NXPH1: variants seen among roughly 807,000 people sequenced by gnomAD.
NXPH1 encodes the protein neurexophilin 1, also known as neurexophilin-1.
NXPH1 carries 5 observed loss-of-function variants against 23.7 expected under a neutral mutation model. That is an observed-to-expected ratio of 0.21 (90% confidence interval 0.11 to 0.44). The LOEUF is 0.44. NXPH1 is among the 20% of genes least tolerant of loss of function. The pLI is 0.99. For synonymous variants in NXPH1, 144 were observed against 122.2 expected, an observed-to-expected ratio of 1.18 and a Z score of -1.18; for missense variants, 324 against 321.6, an observed-to-expected ratio of 1.01 and a Z score of -0.06.
At chr7:8,698,670 T>C (rs1779573660) in intron 2 of NXPH1, among the ~76,000 whole-genome samples, 3 of 152,178 alleles carry the variant, frequency 2.0e-5, no homozygotes, top group African/African-American at 4.8e-5. Context: ...TGATAAACTA[T>C]TGCTATATGA....
At chr7:8,461,343 A>G (rs1816690819) in intron 2 of NXPH1, among the ~76,000 whole-genome samples, 1 of 152,188 alleles carries the variant, frequency 6.6e-6, no homozygotes, top group Non-Finnish European at 1.5e-5. Context: ...TTGAAGAAAG[A>G]GTAACTTCAG....
chr7:8,741,500 T>C (rs1384373496), intron 2 of NXPH1, among the ~76,000 whole-genome samples: 1 of 152,274 alleles, frequency 6.6e-6, no homozygotes, highest in Non-Finnish European at 1.5e-5. Flanking sequence ...ATAATCTCTC[T>C]ACCAAGTTAT....
chr7:8,612,889 C>T (rs528958478), intron 2 of NXPH1, among the ~76,000 whole-genome samples: 1 of 152,144 alleles, frequency 6.6e-6, no homozygotes, highest in South Asian at 2.1e-4. Flanking sequence ...GTTTACCTTA[C>T]CTGAAGTTAG....
Position 8,640,524 on chromosome 7 carries a change from A to G in NXPH1, c.55-110484A>G, listed in dbSNP as rs1034477471. Among the ~76,000 whole-genome samples, 4 of 152,026 alleles carry G rather than the reference A, an allele frequency of 2.6e-5. No homozygotes were observed. In the East Asian group the frequency reaches 5.8e-4, roughly 22 times the overall value. The stretch of plus-strand genomic sequence containing the variant: ...CCTGTACTTCTTTACTTGTCTTTAA[A>G]TAAGTAACATAATCTTAAAATGAAT... On this transcript the variant is annotated intron_variant, in intron 2 of 2. Transcript: ENST00000405863.
chr7:8,652,986 C>T (rs1461834271), intron 2 of NXPH1, among the ~76,000 whole-genome samples: 5 of 151,986 alleles, frequency 3.3e-5, no homozygotes. Flanking sequence ...TTGATCCTCC[C>T]ACCTCCACCC....
At chr7:8,640,790 C>T (rs980185288) in intron 2 of NXPH1, among the ~76,000 whole-genome samples, 1 of 151,942 alleles carries the variant, frequency 6.6e-6, no homozygotes, top group Non-Finnish European at 1.5e-5. Flanking sequence ...GACCTCATGA[C>T]TACAAAAAGT....
At position 8,751,567 on chromosome 7, in the gene NXPH1, C is replaced by A. The variant is rs1780565592; in HGVS notation, c.614C>A (p.Thr205Asn). ...RIEYEKVDKA[T>N]KNTLCNYDPS... ...GAATATGAAAAGGTTGACAAGGCTA[C>A]CAAGAACACACTCTGCAACTATGAC... is the stretch of plus-strand genomic sequence containing the variant. The change falls in exon 3 of 3, where the codon ACC becomes AAC. Residue 205 changes from threonine (T) to asparagine (N), a missense_variant. Coordinates refer to ENST00000405863, the MANE Select transcript of NXPH1 (RefSeq NM_152745.3). This position sits in a 1 kb window ranked among gnomAD's most constrained non-coding sequence, Gnocchi z 4.5. 2 of 1,613,296 alleles carry A rather than the reference C, an allele frequency of 1.2e-6. No individual in the cohort carries two copies. Among genetic ancestry groups the A allele is most frequent in the East Asian group, 4.5e-5 (2 of 44,880 alleles).
chr7:8,658,078 C>T (rs1167740115), intron 2 of NXPH1, among the ~76,000 whole-genome samples: 1 of 152,152 alleles, frequency 6.6e-6, no homozygotes, highest in African/African-American at 2.4e-5. Context: ...GAAGGAAGGA[C>T]AAATTCAGTG....
At chr7:8,533,031 T>TTTACATG (rs1817972677) in intron 2 of NXPH1, among the ~76,000 whole-genome samples, 1 of 152,172 alleles carries the variant, frequency 6.6e-6, no homozygotes, top group African/African-American at 2.4e-5. Flanking sequence ...ATGTATTCCC[T>TTTACATG]CTTTTTAAAT....
intron 2 of NXPH1, among the ~76,000 whole-genome samples, chr7:8,680,971 A>G (rs1821040904): frequency 6.6e-6 from 1 of 152,240 alleles, no homozygotes; most frequent in South Asian, 2.1e-4. Flanking sequence ...AGACTATTGA[A>G]CTAGATGTTT....
At chr7:8,501,647 A>T (rs537569273) in intron 2 of NXPH1, among the ~76,000 whole-genome samples, 1 of 152,212 alleles carries the variant, frequency 6.6e-6, no homozygotes, top group African/African-American at 2.4e-5. Context: ...ATAAATTAAG[A>T]CTGGGAATGG....
At position 8,520,395 on chromosome 7, in the gene NXPH1, A is replaced by G. The variant is rs1462870506; in HGVS notation, c.54+84628A>G. On this transcript the variant is annotated intron_variant, in intron 2 of 2. Coordinates refer to ENST00000405863, the MANE Select transcript of NXPH1 (RefSeq NM_152745.3). The stretch of plus-strand genomic sequence containing the variant: ...ACATGGTTTTTGGACTGCTCCCTGC[A>G]GGAGGAGAAGCCAGACGGAAGGTGG... Among the ~76,000 whole-genome samples the G allele has an allele frequency of 2.0e-5, 3 of 152,230 alleles. No individual in the cohort carries two copies. The East Asian group carries it at 5.8e-4, about 29-fold the overall frequency.
intron 2 of NXPH1, among the ~76,000 whole-genome samples, chr7:8,627,924 T>A (rs1002354528): frequency 6.6e-6 from 1 of 151,964 alleles, no homozygotes; most frequent in Non-Finnish European, 1.5e-5. Flanking sequence ...TTGAGATCTG[T>A]GGATAAAAGG....
intron 2 of NXPH1, among the ~76,000 whole-genome samples, chr7:8,644,783 C>A (rs1820369407): frequency 6.6e-6 from 1 of 151,982 alleles, no homozygotes; most frequent in Admixed American, 6.6e-5. Context: ...GTATTACAGC[C>A]CAGCACATCT....
At chr7:8,483,533 T>C (rs1211083317) in intron 2 of NXPH1, among the ~76,000 whole-genome samples, 1 of 152,012 alleles carries the variant, frequency 6.6e-6, no homozygotes, top group Non-Finnish European at 1.5e-5. Context: ...GGTCTCAAAC[T>C]CCTGGGCTCA....
At chr7:8,502,536 G>T (rs1817453745) in intron 2 of NXPH1, among the ~76,000 whole-genome samples, 1 of 151,752 alleles carries the variant, frequency 6.6e-6, no homozygotes, top group African/African-American at 2.4e-5. Flanking sequence ...TTTGAGTAGG[G>T]TAAATACAAT....
At chr7:8,631,887 CTT>C (rs1820137025) in intron 2 of NXPH1, among the ~76,000 whole-genome samples, 1 of 152,050 alleles carries the variant, frequency 6.6e-6, no homozygotes, top group Admixed American at 6.6e-5. Flanking sequence ...TTCCATGTGT[CTT>C]TATTTTATTT....
chr7:8,732,892 T>A (rs909614255), intron 2 of NXPH1, among the ~76,000 whole-genome samples: 3 of 152,100 alleles, frequency 2.0e-5, no homozygotes, highest in Admixed American at 6.5e-5. Context: ...TTTAAAAAAA[T>A]TTTACTTTAA....
rs559394319 is a variant in NXPH1, at chr7:8,623,930, T to C, written c.55-127078T>C. Among the ~76,000 whole-genome samples, 3 of 152,234 alleles carry C rather than the reference T, an allele frequency of 2.0e-5. No individual in the cohort carries two copies. In the South Asian group the frequency reaches 6.2e-4, roughly 32 times the overall value. ...TCCAGATATGGATCTAGAAGAAGTA[T>C]ATGTGACATAATGTTAAAAAATTTT... is the stretch of plus-strand genomic sequence containing the variant. On this transcript the variant is annotated intron_variant, in intron 2 of 2. Coordinates refer to ENST00000405863, the MANE Select transcript of NXPH1 (RefSeq NM_152745.3).
Sources: gnomAD v4.1 joint callset for allele counts (sites outside exome capture counted in the v4.1 genomes callset) on GRCh38, gnomAD v4.1.1 for gene constraint, Gnocchi (gnomAD v3.1) non-coding constraint, MANE v1.5 for transcripts, NCBI Gene and HGNC (gene_info 2026-07-23, HGNC 2026-07-21) for gene names.